The following CKM variants were observed in gnomAD, a reference collection of about 807,000 sequenced individuals.
CKM encodes the protein creatine kinase M-type.
CKM carries 28 observed loss-of-function variants against 35.4 expected under a neutral mutation model. The observed-to-expected ratio is 0.79, with a 90% CI of 0.59 to 1.08. CKM has a LOEUF of 1.08. Ranked by LOEUF, CKM falls within the 50% of genes least tolerant of loss-of-function variation. CKM has a pLI of 0.00. For missense variants in CKM, 484 were observed against 509.8 expected, an observed-to-expected ratio of 0.95 and a Z score of 0.49; for synonymous variants, 215 against 204.4, an observed-to-expected ratio of 1.05 and a Z score of -0.44.
rs1312365724 is a variant in CKM, at chr19:45,315,326, A to G, written c.481+139T>C. ...GCAGGTAATGCTGACAGCCCGCGCCATTCCCCAAGCCCCCACGATTTACCA... is the reference window on the plus strand; with the variant it reads ...GCAGGTAATGCTGACAGCCCGCGCCGTTCCCCAAGCCCCCACGATTTACCA... On this transcript the variant is annotated intron_variant, in intron 4 of 7. Transcript: ENST00000221476. 7 of 977,214 alleles carry G rather than the reference A, an allele frequency of 7.2e-6. No individual in the cohort carries two copies. The Admixed American group carries it at 7.3e-5, about 10-fold the overall frequency. 60.5% of individuals were successfully genotyped at this position (977,214 alleles called of 1,614,324 possible).
intron 4 of CKM, among the ~76,000 whole-genome samples, chr19:45,313,859 C>A (rs1971132298): frequency 6.6e-6 from 1 of 151,850 alleles, no homozygotes; most frequent in African/African-American, 2.4e-5. Context: ...AAAAGAGATT[C>A]TTTTCAAACT....
chr19:45,320,012 A>T (rs1000561040), intron 1 of CKM, among the ~76,000 whole-genome samples: 4 of 150,926 alleles, frequency 2.7e-5, no homozygotes, highest in Admixed American at 6.6e-5. Context: ...GATAGTCTTG[A>T]TCTCCTGACC....
At chr19:45,311,145 T>C (rs550540556) in intron 5 of CKM, among the ~76,000 whole-genome samples, 1 of 150,806 alleles carries the variant, frequency 6.6e-6, no homozygotes, top group East Asian at 2.0e-4. Context: ...CTAGAACTCC[T>C]GGGCACAAGC....
chr19:45,312,421 CTTTTT>C (rs1249373380), intron 4 of CKM, among the ~76,000 whole-genome samples: 1 of 142,300 alleles, frequency 7.0e-6, no homozygotes, highest in East Asian at 2.0e-4. Context: ...AGACCCCCAT[CTTTTT>C]TTTTTTTTTT....
intron 5 of CKM, among the ~76,000 whole-genome samples, chr19:45,311,022 C>T (rs1448450251): frequency 4.7e-5 from 7 of 148,514 alleles, no homozygotes; most frequent in East Asian, 4.0e-4. Context: ...CCTCGTGATC[C>T]GCCCACCTTG....
In CKM at chr19:45,319,650, C is replaced by T. The variant is rs764713046; in HGVS notation, c.64G>A (p.Asp22Asn). Residue 22 changes from aspartate to asparagine, a missense_variant, in exon 2 of 8, where the codon GAC becomes AAC. Asp to Asn is a conservative substitution (Grantham distance 23). Coordinates refer to ENST00000221476, the MANE Select transcript of CKM (RefSeq NM_001824.5). ...ATGTGGTTGTTATGTTTGCTGAGGTCGGGGTACTCCTCCTCAGGCTTGTAA... is the reference window on the plus strand; with the variant it reads ...ATGTGGTTGTTATGTTTGCTGAGGTTGGGGTACTCCTCCTCAGGCTTGTAA... ...LNYKPEEEYPDLSKHNNHMAK... is the reference protein window; with the variant it reads ...LNYKPEEEYPNLSKHNNHMAK... The T allele has an allele frequency of 1.5e-5, 25 of 1,613,970 alleles. No individual in the cohort carries two copies. The highest frequency in any genetic ancestry group is 1.9e-5 in the Non-Finnish European group (23 of 1,179,998).
rs780785911 is a variant in CKM, at chr19:45,317,871, T to C, written c.302A>G (p.Lys101Arg). ...PIISDRHGGY[K>R]PTDKHKTDLN... ...GTCAGTCTTGTGCTTGTCAGTGGGT[T>C]TGTAGCCCCCGTGGCGATCCGAGAT... Residue 101 changes from lysine to arginine, a missense_variant, in exon 3 of 8, where the codon AAA becomes AGA. By Grantham distance (26) the Lys-to-Arg change is conservative (BLOSUM62 2). Transcript: ENST00000221476. 2.5e-6 allele frequency: 4 copies of C among 1,613,972 alleles called. No homozygotes were observed. Among genetic ancestry groups the C allele is most frequent in the South Asian group, 1.1e-5 (1 of 91,058 alleles).
chr19:45,314,120 GGGAA>G (rs371877064), intron 4 of CKM, among the ~76,000 whole-genome samples: 9 of 145,798 alleles, frequency 6.2e-5, no homozygotes, highest in African/African-American at 1.8e-4. Flanking sequence ...GGGAAGGGAA[GGGAA>G]GGAAGGGAGG....
chr19:45,315,781 C>T (rs1392712964), intron 3 of CKM, among the ~76,000 whole-genome samples, 184 bp from the exon 4 acceptor site: 5 of 151,962 alleles, frequency 3.3e-5, no homozygotes, highest in African/African-American at 9.7e-5. Context: ...CCTTCTCTGT[C>T]TCTCTCCCCT....
intron 3 of CKM, 32 bp downstream of exon 3, chr19:45,317,793 C>T: frequency 6.2e-7 from 1 of 1,613,270 alleles, no homozygotes; most frequent in Non-Finnish European, 8.5e-7. Flanking sequence ...CCTCCTCACC[C>T]CTCGGCCCTC....
At chr19:45,319,134 G>A (rs1971186824) in intron 2 of CKM, among the ~76,000 whole-genome samples, 1 of 152,144 alleles carries the variant, frequency 6.6e-6, no homozygotes, top group Non-Finnish European at 1.5e-5. Context: ...TGGGATTACA[G>A]GCATGAGCCA....
At chr19:45,318,412 G>GA (rs576014859) in intron 2 of CKM, among the ~76,000 whole-genome samples, 118 of 135,424 alleles carry the variant, frequency 8.7e-4, no homozygotes, top group East Asian at 1.1e-3. Flanking sequence ...GTCTCCAAAG[G>GA]AAAAAAAAAA....
intron 5 of CKM, 131 bp from the exon 6 acceptor site, chr19:45,308,663 C>T: frequency 8.6e-7 from 1 of 1,161,908 alleles, no homozygotes; most frequent in Non-Finnish European, 1.3e-6. Flanking sequence ...GTGGCATCTG[C>T]CTCCTCAAAA....
Position 45,322,805 on chromosome 19 carries a change from C to T in CKM, c.-19+16G>A. 2 of 985,634 alleles carry T rather than the reference C, an allele frequency of 2.0e-6. No individual in the cohort carries two copies. Among genetic ancestry groups the T allele is most frequent in the Non-Finnish European group, 2.4e-6 (2 of 830,084 alleles). The allele number at this position is 985,634 out of a possible 1,614,324, so 61.1% of individuals were successfully genotyped here. ...CCTACTCTGGCCCCCACCCAGATTC[C>T]CGCCCCGTGCAGTACCTGGCTGGGC... is the stretch of plus-strand genomic sequence containing the variant. On this transcript the variant is annotated intron_variant, in intron 1 of 7. Transcript: ENST00000221476.
rs3047558 is a variant in CKM at position 45,310,759 on chromosome 19, CTTTTTTTTTTTTTTTTT to C, written c.653+973_653+989del. Among the ~76,000 whole-genome samples the C allele has an allele frequency of 2.0e-4, 10 of 50,264 alleles. 1 individual carries two copies. Among genetic ancestry groups the C allele is most frequent in the South Asian group, 8.3e-4 (1 of 1,202 alleles). The allele number at this position is 50,264 out of a possible 152,430, so 33.0% of individuals were successfully genotyped here. On this transcript the variant is annotated intron_variant, in intron 5 of 7. Coordinates refer to ENST00000221476, the MANE Select transcript of CKM (RefSeq NM_001824.5). ...CACAGGTATACGCCATCACGCCTGG[CTTTTTTTTTTTTTTTTT>C]TTTTTTTTTTTTTTTGAGACGGAGT...
In CKM at chr19:45,311,803, G is replaced by A. The variant is rs529413092; in HGVS notation, c.599C>T (p.Pro200Leu). The change falls in exon 5 of 8, where the codon CCG becomes CTG. Residue 200 changes from proline (P) to leucine (L), a missense_variant. Physicochemically the swap from Pro to Leu is moderately conservative, Grantham distance 98. Coordinates refer to ENST00000221476, the MANE Select transcript of CKM (RefSeq NM_001824.5). Reference protein sequence around the residue: ...DHFLFDKPVSPLLLASGMARD... With the variant: ...DHFLFDKPVSLLLLASGMARD... ...GGCCATGCCTGAGGCCAGCAGCAGC[G>A]GGGACACGGGCTTGTCGAACAGGAA... is the stretch of plus-strand genomic sequence containing the variant. 21 of 1,610,052 alleles carry A rather than the reference G, an allele frequency of 1.3e-5. No individual in the cohort carries two copies. The highest frequency in any genetic ancestry group is 2.2e-5 in the East Asian group (1 of 44,842).
At chr19:45,311,615 G>C in intron 5 of CKM, 134 bp downstream of exon 5, 2 of 766,424 alleles carry the variant, frequency 2.6e-6, no homozygotes, top group Admixed American at 5.0e-5. Context: ...CGGAGGGCAA[G>C]ATCATTTTCC....
chr19:45,322,368 A>T (rs344816), intron 1 of CKM, among the ~76,000 whole-genome samples: 84,824 of 152,074 alleles, frequency 0.56, 26,944 homozygotes, highest in African/African-American at 0.85. Flanking sequence ...CTAAGTCAGA[A>T]ACAAGGTCAC....
chr19:45,322,376 C>T (rs1971221248), intron 1 of CKM, among the ~76,000 whole-genome samples: 1 of 152,128 alleles, frequency 6.6e-6, no homozygotes, highest in African/African-American at 2.4e-5. Context: ...GAAACAAGGT[C>T]ACAGGGACCC....
Sources: gnomAD v4.1 joint callset for allele counts (sites outside exome capture counted in the v4.1 genomes callset) on GRCh38, gnomAD v4.1.1 for gene constraint, MANE v1.5 for transcripts, NCBI Gene and HGNC (gene_info 2026-07-23, HGNC 2026-07-21) for gene names.